Variants in FGF14 observed in about 807,000 individuals in gnomAD.
FGF14 encodes fibroblast growth factor 14.
A neutral mutation model predicts 25.5 loss-of-function variants in FGF14; 5 were observed. The observed-to-expected ratio is 0.20, with a 90% confidence interval of 0.10 to 0.41. FGF14 has a LOEUF of 0.41. FGF14 is among the 10% of genes least tolerant of loss of function. FGF14 has a pLI of 1.00. For synonymous variants in FGF14, 138 were observed against 118.3 expected (o/e 1.17, Z -1.08); for missense variants, 222 against 320.1 (o/e 0.69, Z 2.34).
intron 3 of FGF14, among the ~76,000 whole-genome samples, chr13:101,762,038 T>G (rs550522249): frequency 6.6e-6 from 1 of 152,298 alleles, no homozygotes; most frequent in East Asian, 1.9e-4. Context: ...ATGATCTGTG[T>G]AGCAACCATG....
At chr13:101,874,806 G>A (rs139430467) in intron 2 of FGF14, among the ~76,000 whole-genome samples, 520 of 152,018 alleles carry the variant, frequency 3.4e-3, no homozygotes, top group African/African-American at 0.012. Flanking sequence ...CACAGGCATC[G>A]TTAAGAACCT....
At chr13:102,391,725 G>A (rs1203491763) in intron 1 of FGF14, among the ~76,000 whole-genome samples, 1 of 152,184 alleles carries the variant, frequency 6.6e-6, no homozygotes, top group Non-Finnish European at 1.5e-5. Context: ...AGCAATGAAG[G>A]AGGAAAGAGC....
chr13:102,051,972 C>T (rs1433557778), intron 1 of FGF14, among the ~76,000 whole-genome samples: 1 of 152,028 alleles, frequency 6.6e-6, no homozygotes, highest in East Asian at 1.9e-4. Context: ...TTTAAGGAAG[C>T]TCAATGAACT....
chr13:101,916,088 C>G (rs1249241212), intron 1 of FGF14, among the ~76,000 whole-genome samples: 1 of 152,206 alleles, frequency 6.6e-6, no homozygotes, highest in Non-Finnish European at 1.5e-5. Context: ...AGCGGTGGCT[C>G]GACCCCGGGT....
chr13:101,946,171 C>T (rs565558820), intron 1 of FGF14, among the ~76,000 whole-genome samples: 105 of 152,138 alleles, frequency 6.9e-4, no homozygotes, highest in African/African-American at 2.1e-3. Flanking sequence ...CAGCCTCATA[C>T]GATCAAAGGG....
rs1295387502 is a variant in FGF14, at chr13:101,721,257, T to G, written c.*1574A>C. The stretch of plus-strand genomic sequence containing the variant: ...ATGAAACATTTTGAACCCCTTTAGA[T>G]CCAATATTGAACATTTTGCATGGAA... On this transcript the variant is annotated 3_prime_UTR_variant, in exon 5 of 5. Transcript: ENST00000376143. 1 of 152,160 alleles carries G rather than the reference T, an allele frequency of 6.6e-6. No individual in the cohort carries two copies. Among genetic ancestry groups the G allele is most frequent in the East Asian group, 1.9e-4 (1 of 5,188 alleles). 9.4% of individuals were successfully genotyped at this position (152,160 alleles called of 1,614,324 possible). A position where few individuals can be genotyped will look rare whatever the true frequency, so the allele number is the denominator to read the frequency against.
intron 1 of FGF14, among the ~76,000 whole-genome samples, chr13:102,078,956 G>A (rs1468911586): frequency 6.6e-6 from 1 of 152,184 alleles, no homozygotes; most frequent in African/African-American, 2.4e-5. Context: ...ACAATGGGAA[G>A]TAGCTGTGAG....
rs1287684230 is a variant in FGF14, at chr13:102,276,262, A to G, written c.208+125209T>C. Among the ~76,000 whole-genome samples, 4 of 146,938 alleles carry G rather than the reference A, an allele frequency of 2.7e-5. No homozygotes were observed. The East Asian group carries it at 6.0e-4, about 22-fold the overall frequency. ...TTAACTACTGAATAATACTAACTAG[A>G]GGCTTCTGGAAATCTCTGTCTTCCT... On this transcript the variant is annotated intron_variant, in intron 1 of 4. Transcript: ENST00000376131.
At chr13:101,793,239 C>T (rs1282183059) in intron 3 of FGF14, among the ~76,000 whole-genome samples, 1 of 152,124 alleles carries the variant, frequency 6.6e-6, no homozygotes, top group Non-Finnish European at 1.5e-5. Context: ...AATTGTTTTA[C>T]ATTCCACATA....
intron 3 of FGF14, among the ~76,000 whole-genome samples, chr13:101,867,334 A>T (rs2044764044): frequency 6.6e-6 from 1 of 152,156 alleles, no homozygotes; most frequent in African/African-American, 2.4e-5. Context: ...ATAAATAAAA[A>T]GCAACTCTCT....
At position 102,378,835 on chromosome 13, in the gene FGF14, C is replaced by T. The variant is rs542667293; in HGVS notation, c.208+22636G>A. 5.9e-5 allele frequency among the ~76,000 whole-genome samples: 9 copies of T among 152,064 alleles called. No homozygotes were observed. In the South Asian group the frequency reaches 6.2e-4, roughly 11 times the overall value. The stretch of plus-strand genomic sequence containing the variant: ...CAACAAAAATGATTTTTAAAACAGA[C>T]GACTATCTAACAATAATTGCAAAGT... On this transcript the variant is annotated intron_variant, in intron 1 of 4. Coordinates refer to the FGF14 transcript ENST00000376131.
At chr13:102,069,281 G>A (rs1159288506) in intron 1 of FGF14, among the ~76,000 whole-genome samples, 1 of 152,072 alleles carries the variant, frequency 6.6e-6, no homozygotes, top group Non-Finnish European at 1.5e-5. Flanking sequence ...TTGGGGACAT[G>A]GAGAACCTTT....
chr13:102,077,924 G>A (rs915443827), intron 1 of FGF14, among the ~76,000 whole-genome samples: 11 of 152,060 alleles, frequency 7.2e-5, no homozygotes, highest in African/African-American at 2.7e-4. Flanking sequence ...TTTAAATGTG[G>A]TATATATATA....
intron 1 of FGF14, among the ~76,000 whole-genome samples, chr13:102,311,794 T>A (rs762547694): frequency 6.6e-6 from 1 of 152,224 alleles, no homozygotes; most frequent in Non-Finnish European, 1.5e-5. Context: ...CATCCCTTTA[T>A]GGTTCTTAGA....
intron 1 of FGF14, among the ~76,000 whole-genome samples, chr13:102,245,191 A>G (rs1566857514): frequency 6.6e-6 from 1 of 152,080 alleles, no homozygotes; most frequent in Non-Finnish European, 1.5e-5. Flanking sequence ...ATATCTATAC[A>G]AAGACAAGGT....
intron 1 of FGF14, among the ~76,000 whole-genome samples, chr13:102,001,786 CA>C (rs1958388860): frequency 6.6e-6 from 1 of 152,084 alleles, no homozygotes; most frequent in African/African-American, 2.4e-5. Flanking sequence ...GATTTGTCAA[CA>C]GAATAAAGAA....
At chr13:102,048,509 C>A (rs185754804) in intron 1 of FGF14, among the ~76,000 whole-genome samples, 2 of 152,254 alleles carry the variant, frequency 1.3e-5, no homozygotes, top group Admixed American at 1.3e-4. Flanking sequence ...TCACTTAAGG[C>A]TTAGAAGTTC....
chr13:101,949,086 T>C (rs1372581724), intron 1 of FGF14, among the ~76,000 whole-genome samples: 1 of 152,142 alleles, frequency 6.6e-6, no homozygotes. Context: ...AACTACAAGA[T>C]AATGGCACAA....
At chr13:101,835,497 CTT>C (rs1474362458) in intron 3 of FGF14, among the ~76,000 whole-genome samples, 1 of 151,924 alleles carries the variant, frequency 6.6e-6, no homozygotes, top group African/African-American at 2.4e-5. Flanking sequence ...TCGACTATAT[CTT>C]GTTATTGCCA....
Sources: allele counts gnomAD v4.1 joint callset (sites outside exome capture counted in the v4.1 genomes callset), GRCh38; gene constraint gnomAD v4.1.1; transcripts MANE v1.5; gene names NCBI Gene and HGNC (gene_info 2026-07-23, HGNC 2026-07-21).